Variants in PDE1A observed in about 807,000 individuals in gnomAD.
The protein encoded by PDE1A is dual specificity calcium/calmodulin-dependent 3',5'-cyclic nucleotide phosphodiesterase 1A.
In PDE1A, 35 loss-of-function variants were observed where a neutral mutation model predicts 61.7. That is an observed-to-expected ratio of 0.57 (90% confidence interval 0.43 to 0.75). The LOEUF is 0.75. Ranked by LOEUF, PDE1A falls within the 30% of genes least tolerant of loss-of-function variation. The pLI, the probability that PDE1A is intolerant of heterozygous loss-of-function variation, is 0.00. For missense variants in PDE1A, 597 were observed against 630.6 expected (o/e 0.95, Z 0.57); for synonymous variants, 232 against 213.2 (o/e 1.09, Z -0.77).
chr2:182,437,880 T>C (rs1249323274), intron 2 of PDE1A, among the ~76,000 whole-genome samples: 2 of 151,980 alleles, frequency 1.3e-5, no homozygotes, highest in Admixed American at 6.6e-5. Context: ...CTGGTTCTTA[T>C]CTTAAATTTA....
At chr2:182,424,085 C>T (rs1703455474) in intron 1 of PDE1A, among the ~76,000 whole-genome samples, 2 of 151,774 alleles carry the variant, frequency 1.3e-5, no homozygotes, top group Non-Finnish European at 2.9e-5. Flanking sequence ...GCTGGGACTA[C>T]AGGTGCACAC....
At chr2:182,682,381 G>A in the PDE1A span, among the ~76,000 whole-genome samples, 1 of 152,148 alleles carries the variant, frequency 6.6e-6, no homozygotes. Flanking sequence ...ATTAGGCAGG[G>A]GTAAGGAAGA....
chr2:182,293,937 AG>A (rs1237312848), intron 1 of PDE1A, among the ~76,000 whole-genome samples: 1 of 152,200 alleles, frequency 6.6e-6, no homozygotes, highest in African/African-American at 2.4e-5. Flanking sequence ...ACCTGCTTTC[AG>A]GGTTCCTGGA....
intron 1 of PDE1A, among the ~76,000 whole-genome samples, chr2:182,411,530 G>A (rs909290434): frequency 6.6e-6 from 1 of 152,042 alleles, no homozygotes; most frequent in Non-Finnish European, 1.5e-5. Flanking sequence ...GGAATTTCTG[G>A]ATATACCTAT....
At chr2:182,223,189 G>A (rs1163777651) in intron 7 of PDE1A, among the ~76,000 whole-genome samples, 3 of 151,988 alleles carry the variant, frequency 2.0e-5, no homozygotes, top group Non-Finnish European at 4.4e-5. Flanking sequence ...ACAGCAAAAA[G>A]GGTGTTGTCT....
chr2:182,517,025 G>GA, intron 2 of PDE1A, among the ~76,000 whole-genome samples: 1 of 152,266 alleles, frequency 6.6e-6, no homozygotes, highest in South Asian at 2.1e-4. Context: ...TTAAGACGTG[G>GA]ACATTTCTGG....
chr2:182,673,685 C>T, the PDE1A span, among the ~76,000 whole-genome samples: 1 of 151,816 alleles, frequency 6.6e-6, no homozygotes, highest in African/African-American at 2.4e-5. Flanking sequence ...CATGTATAAA[C>T]ATGACTATCT....
At chr2:182,283,781 A>G (rs993783420) in intron 1 of PDE1A, among the ~76,000 whole-genome samples, 3 of 152,106 alleles carry the variant, frequency 2.0e-5, no homozygotes, top group African/African-American at 4.8e-5. Context: ...TGTAAAGATT[A>G]TGAAGTGAAA....
chr2:182,645,863 A>G, the PDE1A span, among the ~76,000 whole-genome samples: 4 of 152,208 alleles, frequency 2.6e-5, no homozygotes, highest in Non-Finnish European at 5.9e-5. Flanking sequence ...CTCCCTCCTC[A>G]ACAAGGTAAA....
chr2:182,687,113 C>G, the PDE1A span, among the ~76,000 whole-genome samples: 2 of 152,248 alleles, frequency 1.3e-5, no homozygotes, highest in African/African-American at 2.4e-5. Flanking sequence ...GAGGGCAGGG[C>G]ATAGCTGAAC....
intron 1 of PDE1A, among the ~76,000 whole-genome samples, chr2:182,347,122 G>C (rs371535473): frequency 0.026 from 495 of 18,770 alleles, 3 homozygotes; most frequent in African/African-American, 0.071. Flanking sequence ...TTACCAAAAA[G>C]CTGAGTTTTT....
chr2:182,466,221 C>T (rs981253989), intron 2 of PDE1A, among the ~76,000 whole-genome samples: 1 of 152,150 alleles, frequency 6.6e-6, no homozygotes, highest in Admixed American at 6.6e-5. Flanking sequence ...CATCTTCTAT[C>T]CTACTATTTA....
At chr2:182,252,940 T>TACAA (rs1304764755) in intron 2 of PDE1A, among the ~76,000 whole-genome samples, 1 of 152,216 alleles carries the variant, frequency 6.6e-6, no homozygotes, top group African/African-American at 2.4e-5. Context: ...GTAAAGAATG[T>TACAA]ACAAACATCT....
At chr2:182,619,530 A>G in the PDE1A span, among the ~76,000 whole-genome samples, 1 of 152,144 alleles carries the variant, frequency 6.6e-6, no homozygotes, top group Admixed American at 6.5e-5. Flanking sequence ...GAGTGCCTAC[A>G]TGGAAATATT....
At chr2:182,265,497 T>G (rs1442962333) in intron 1 of PDE1A, among the ~76,000 whole-genome samples, 1 of 152,116 alleles carries the variant, frequency 6.6e-6, no homozygotes, top group South Asian at 2.1e-4. Flanking sequence ...TATTTTCTCA[T>G]GTTTGAGTCC....
the PDE1A span, among the ~76,000 whole-genome samples, chr2:182,620,179 A>C: frequency 1.7e-5 from 2 of 119,590 alleles, no homozygotes; most frequent in Non-Finnish European, 1.9e-5. Context: ...AAATGTATTT[A>C]TTTCTTTATT....
chr2:182,227,881 G>T (rs2125629232), intron 6 of PDE1A, among the ~76,000 whole-genome samples: 1 of 152,210 alleles, frequency 6.6e-6, no homozygotes, highest in African/African-American at 2.4e-5. Flanking sequence ...AGAGAAAAAT[G>T]CAGTCATTCC....
At chr2:182,163,278 C>T (rs1018077050), downstream of PDE1A, among the ~76,000 whole-genome samples, 1 of 152,140 alleles carries the variant, frequency 6.6e-6, no homozygotes, top group East Asian at 1.9e-4. Flanking sequence ...TTCTCCATAC[C>T]TGTCCATAAG....
rs1356454480 is a variant in PDE1A at position 182,449,269 on chromosome 2, T to C, written c.101+73007A>G. Among the ~76,000 whole-genome samples, 3 of 147,466 alleles carry C rather than the reference T, an allele frequency of 2.0e-5. No homozygotes were observed. In the Admixed American group the frequency reaches 2.0e-4, roughly 10 times the overall value. On this transcript the variant is annotated intron_variant, in intron 2 of 14. Coordinates refer to the PDE1A transcript ENST00000410103. ...AAAAGAAAAGCAAATGAAAACATAA[T>C]TAACTCAACTTTACCAAAAATGAAA...
Sources: allele counts gnomAD v4.1 joint callset (sites outside exome capture counted in the v4.1 genomes callset), GRCh38; gene constraint gnomAD v4.1.1; transcripts MANE v1.5; gene names NCBI Gene and HGNC (gene_info 2026-07-23, HGNC 2026-07-21).